Variants in DOP1A observed in about 807,000 individuals in gnomAD.
DOP1A encodes the protein protein DOP1A.
DOP1A carries 90 observed loss-of-function variants against 267.6 expected under a neutral mutation model. That is an observed-to-expected ratio of 0.34 (90% CI 0.28 to 0.40). The LOEUF is 0.40. Among genes scored for constraint, DOP1A ranks in the 10% least tolerant of loss-of-function variants. The pLI is 1.00. For synonymous variants in DOP1A, 932 were observed against 999.1 expected (o/e 0.93, Z 1.27); for missense variants, 2,437 against 2,900.4 (o/e 0.84, Z 3.67).
At chr6:83,164,798 C>A in intron 38 of DOP1A, 1 of 1,173,424 alleles carries the variant, frequency 8.5e-7, no homozygotes, top group South Asian at 1.4e-5. Context: ...GTCTGAATGT[C>A]AACAAGTACA....
At chr6:83,073,462 C>G (rs1385334409) in intron 1 of DOP1A, among the ~76,000 whole-genome samples, 1 of 152,080 alleles carries the variant, frequency 6.6e-6, no homozygotes, top group Non-Finnish European at 1.5e-5. Context: ...GGAAGGCTGT[C>G]CTCAAAGCAC....
chr6:83,145,113 T>C (rs1374359158), intron 24 of DOP1A, among the ~76,000 whole-genome samples: 1 of 111,382 alleles, frequency 9.0e-6, no homozygotes, highest in Non-Finnish European at 1.7e-5. Context: ...AAAAAATATA[T>C]ACATATATTG....
intron 13 of DOP1A, 29 bp downstream of exon 13, chr6:83,124,848 A>C: frequency 6.5e-7 from 1 of 1,530,260 alleles, no homozygotes; most frequent in Non-Finnish European, 9.0e-7. Context: ...GAAAATATCA[A>C]GGAAATCGAA....
rs186787077 is a variant in DOP1A, at chr6:83,105,118, A to G, written c.321-3792A>G. On this transcript the variant is annotated intron_variant, in intron 4 of 38. Coordinates refer to ENST00000349129, the MANE Select transcript of DOP1A (RefSeq NM_015018.4). ...ATAACCAAACAATTAAAATATATAC[A>G]TATATACTCTCCAAAAAATAAGCTT... Among the ~76,000 whole-genome samples, 210 of 151,274 alleles carry G rather than the reference A, an allele frequency of 1.4e-3. 3 individuals carry two copies. The highest frequency in any genetic ancestry group is 5.0e-3 in the African/African-American group (205 of 40,656).
At chr6:83,069,144 A>G (rs911418809) in intron 1 of DOP1A, among the ~76,000 whole-genome samples, 4 of 152,226 alleles carry the variant, frequency 2.6e-5, no homozygotes, top group Non-Finnish European at 5.9e-5. Context: ...TTAATCTGCT[A>G]CTAACCAGGT....
chr6:83,095,149 T>C (rs1771236861), intron 1 of DOP1A, among the ~76,000 whole-genome samples: 1 of 152,154 alleles, frequency 6.6e-6, no homozygotes, highest in Admixed American at 6.5e-5. Flanking sequence ...GTCAGCCTGG[T>C]CTTGAACTCC....
At chr6:83,098,952 A>G (rs1330331078) in intron 3 of DOP1A, among the ~76,000 whole-genome samples, 2 of 152,146 alleles carry the variant, frequency 1.3e-5, no homozygotes. Flanking sequence ...CCCTTCTGAA[A>G]TAGGGGTCTT....
In DOP1A at chr6:83,099,284, T is replaced by C. The variant is rs114455973; in HGVS notation, c.139-1421T>C. 3.8e-3 allele frequency among the ~76,000 whole-genome samples: 584 copies of C among 152,324 alleles called. 3 individuals are homozygous for C. The highest frequency in any genetic ancestry group is 0.014 in the African/African-American group (564 of 41,576). ...AAAAGAAAAGTTACCATTTTCAGTA[T>C]GTCAAGGATTTGTCTTAAAATTTGA... On this transcript the variant is annotated intron_variant, in intron 3 of 38. Transcript: ENST00000349129.
At chr6:83,153,811 G>A in intron 31 of DOP1A, 83 bp from the exon 32 acceptor site, 1 of 1,382,468 alleles carries the variant, frequency 7.2e-7, no homozygotes, top group South Asian at 1.4e-5. Context: ...CACTGTCTTA[G>A]GTAAATGTGA....
At position 83,153,950 on chromosome 6, in the gene DOP1A, G is replaced by A; in HGVS notation, c.6296G>A (p.Gly2099Glu). ...ACVQLLSSLS[G>E]YQYTRRAWKK... The stretch of plus-strand genomic sequence containing the variant: ...GTCCAGCTGCTCAGCAGTCTTAGTG[G>A]GTATCAGTACACACGGAGAGCTTGG... Residue 2099 changes from glycine to glutamate, a missense_variant, in exon 32 of 39, where the codon GGG (glycine) becomes GAG (glutamate). Transcript: ENST00000349129. 1 of 1,613,892 alleles carries A rather than the reference G, an allele frequency of 6.2e-7. No homozygotes were observed. Among genetic ancestry groups the A allele is most frequent in the South Asian group, 1.1e-5 (1 of 91,048 alleles).
chr6:83,075,218 T>C (rs913442533), intron 1 of DOP1A, among the ~76,000 whole-genome samples: 7 of 152,256 alleles, frequency 4.6e-5, no homozygotes, highest in Admixed American at 4.6e-4. Context: ...GAGAATATTC[T>C]ATTGTCATTC....
intron 35 of DOP1A, among the ~76,000 whole-genome samples, chr6:83,157,999 CT>C (rs368395258): frequency 1.4e-4 from 20 of 148,110 alleles, no homozygotes; most frequent in African/African-American, 2.2e-4. Flanking sequence ...TTTATTTTTC[CT>C]TTTTTTTTTG....
chr6:83,086,769 C>T (rs1044483221), intron 1 of DOP1A, among the ~76,000 whole-genome samples: 5 of 151,886 alleles, frequency 3.3e-5, no homozygotes, highest in Admixed American at 6.6e-5. Flanking sequence ...AGGCATTTCA[C>T]GGAGTCTGAA....
chr6:83,120,320 AC>A (rs1273078046), intron 9 of DOP1A, among the ~76,000 whole-genome samples: 1 of 151,946 alleles, frequency 6.6e-6, no homozygotes, highest in East Asian at 1.9e-4. Context: ...TAAGTCACTA[AC>A]GGGAAAATAA....
intron 20 of DOP1A, among the ~76,000 whole-genome samples, 169 bp from the exon 21 acceptor site, chr6:83,137,004 A>T (rs1214070138): frequency 6.6e-6 from 1 of 152,194 alleles, no homozygotes; most frequent in Non-Finnish European, 1.5e-5. Context: ...GGTATTAAGG[A>T]GGAAAAAACA....
chr6:83,143,258 G>C (rs1242591370), intron 24 of DOP1A, among the ~76,000 whole-genome samples: 1 of 152,104 alleles, frequency 6.6e-6, no homozygotes, highest in African/African-American at 2.4e-5. Context: ...TAAAAATAGT[G>C]AAGTGTGGTG....
chr6:83,113,550 A>G (rs1279884634), intron 7 of DOP1A, 129 bp downstream of exon 7: 10 of 668,378 alleles, frequency 1.5e-5, no homozygotes, highest in Admixed American at 2.8e-5. Flanking sequence ...ATGGAAAATA[A>G]GTTCCTTCTT....
chr6:83,138,636 T>C lies in DOP1A; in HGVS notation c.4594T>C (p.Leu1532=). 6.2e-7 allele frequency: 1 copy of C among 1,613,990 alleles called. No individual in the cohort carries two copies. Among genetic ancestry groups the C allele is most frequent in the Non-Finnish European group, 8.5e-7 (1 of 1,179,954 alleles). Reference sequence around the variant, plus strand: ...AGTTCAGAAAGTGATTCTTCATTGTTTGCTGTCATCTATCTTTAGTGCTCA... The same window carrying C: ...AGTTCAGAAAGTGATTCTTCATTGTCTGCTGTCATCTATCTTTAGTGCTCA... ...CKVQKVILHC[L]LSSIFSAQKW... Residue 1532 remains leucine (L), a synonymous_variant, in exon 21 of 39, where the codon TTG becomes CTG. Transcript: ENST00000349129.
chr6:83,112,296 C>T (rs911397292), intron 6 of DOP1A, among the ~76,000 whole-genome samples: 3 of 151,704 alleles, frequency 2.0e-5, no homozygotes, highest in African/African-American at 7.3e-5. Flanking sequence ...AGATGATCAA[C>T]ATTGTAATAA....
Sources: allele counts gnomAD v4.1 joint callset (sites outside exome capture counted in the v4.1 genomes callset), GRCh38; gene constraint gnomAD v4.1.1; transcripts MANE v1.5; gene names NCBI Gene and HGNC (gene_info 2026-07-23, HGNC 2026-07-21).